The following SCARA3 variants were observed in gnomAD, a reference collection of about 807,000 sequenced individuals.
SCARA3 encodes the protein scavenger receptor class A member 3.
SCARA3 carries 39 observed loss-of-function variants against 47.0 expected under a neutral mutation model. The observed-to-expected ratio is 0.83, with a 90% CI of 0.64 to 1.08. The LOEUF is 1.08. Ranked by LOEUF, SCARA3 falls within the 50% of genes least tolerant of loss-of-function variation. The pLI, the probability that SCARA3 is intolerant of heterozygous loss-of-function variation, is 0.00. For missense variants in SCARA3, 724 were observed against 792.3 expected, an observed-to-expected ratio of 0.91 and a Z score of 1.04; for synonymous variants, 356 against 334.1, an observed-to-expected ratio of 1.07 and a Z score of -0.71.
intron 5 of SCARA3, among the ~76,000 whole-genome samples, chr8:27,660,542 G>GATAGATAGATAGATAGATA: frequency 6.6e-6 from 1 of 151,378 alleles, no homozygotes; most frequent in South Asian, 2.1e-4. Context: ...GAGATAGATA[G>GATAGATAGATAGATAGATA]ATAGATAGAT....
At chr8:27,690,052 C>T in the SCARA3 span, among the ~76,000 whole-genome samples, 3 of 152,132 alleles carry the variant, frequency 2.0e-5, no homozygotes, top group Non-Finnish European at 4.4e-5. Flanking sequence ...CTACCTTTTC[C>T]AGTATTAGAG....
At chr8:27,648,536 A>G (rs978323336) in intron 1 of SCARA3, among the ~76,000 whole-genome samples, 2 of 152,100 alleles carry the variant, frequency 1.3e-5, no homozygotes, top group Admixed American at 6.6e-5. Context: ...CCCAGGTGGC[A>G]GAGCTTGCAG....
At chr8:27,724,263 G>A in the SCARA3 span, among the ~76,000 whole-genome samples, 16 of 152,082 alleles carry the variant, frequency 1.1e-4, no homozygotes, top group Non-Finnish European at 1.3e-4. Context: ...TCAGGAAGAC[G>A]CCATAAATAT....
rs10591337 is a variant in SCARA3, at chr8:27,635,621, ATTT to A, written c.7+1426_7+1428del. Among the ~76,000 whole-genome samples, 236 of 147,506 alleles carry A rather than the reference ATTT, an allele frequency of 1.6e-3. 5 individuals are homozygous for A. In the East Asian group the frequency reaches 0.02, roughly 12 times the overall value. ...TACAGGTGTGCACCACCATGCATGG[ATTT>A]TTTTTTTTTTTGATAGATATGGGGC... On this transcript the variant is annotated intron_variant, in intron 1 of 5. Coordinates refer to ENST00000301904, the MANE Select transcript of SCARA3 (RefSeq NM_016240.3).
the SCARA3 span, among the ~76,000 whole-genome samples, chr8:27,729,389 T>C: frequency 6.6e-6 from 1 of 152,196 alleles, no homozygotes; most frequent in Non-Finnish European, 1.5e-5. Context: ...AGGTGTTACC[T>C]GCCCCTGCAG....
At chr8:27,708,230 A>G in the SCARA3 span, among the ~76,000 whole-genome samples, 1 of 152,230 alleles carries the variant, frequency 6.6e-6, no homozygotes, top group Non-Finnish European at 1.5e-5. Flanking sequence ...AACATAAATG[A>G]TATGATAGGT....
At chr8:27,651,725 T>C in intron 3 of SCARA3, 98 bp downstream of exon 3, 1 of 1,490,268 alleles carries the variant, frequency 6.7e-7, no homozygotes, top group Non-Finnish European at 9.1e-7. Flanking sequence ...TTGACATCTG[T>C]ATCCCAGGGC....
At chr8:27,705,768 G>C in the SCARA3 span, among the ~76,000 whole-genome samples, 2 of 152,214 alleles carry the variant, frequency 1.3e-5, no homozygotes, top group Admixed American at 1.3e-4. Flanking sequence ...TTCTAAAACA[G>C]AATGAGAATT....
At chr8:27,722,832 C>A in the SCARA3 span, among the ~76,000 whole-genome samples, 1 of 152,202 alleles carries the variant, frequency 6.6e-6, no homozygotes, top group Non-Finnish European at 1.5e-5. Context: ...GAAGGTCACA[C>A]CATCTGGTCC....
In SCARA3 at chr8:27,634,170, G is replaced by A. The variant is rs560691476; in HGVS notation, c.-31G>A. 7.6e-6 allele frequency: 11 copies of A among 1,445,152 alleles called. 1 individual carries two copies. In the South Asian group the frequency reaches 1.3e-4, roughly 17 times the overall value. The allele number at this position is 1,445,152 out of a possible 1,614,324, so 89.5% of individuals were successfully genotyped here. On this transcript the variant is annotated 5_prime_UTR_variant, in exon 1 of 6. Transcript: ENST00000301904. ...ACTACAGCTCCAGCCGCCTGCAGCG[G>A]GGCCCTCCTGAGGCCCCAGAGGAAG...
chr8:27,704,620 TG>T, the SCARA3 span, among the ~76,000 whole-genome samples: 1 of 152,144 alleles, frequency 6.6e-6, no homozygotes, highest in African/African-American at 2.4e-5. Context: ...GACCCTGGGT[TG>T]GGCTGGACTA....
chr8:27,641,031 C>T lies in SCARA3; in HGVS notation c.7+6824C>T, dbSNP rs141617156. The stretch of plus-strand genomic sequence containing the variant: ...TTTAAAAAATGGTTTCATAACATCC[C>T]ATAGTAAGACTCTACGAGCATTTAT... On this transcript the variant is annotated intron_variant, in intron 1 of 5. Coordinates refer to ENST00000301904, the MANE Select transcript of SCARA3 (RefSeq NM_016240.3). 9.3e-3 allele frequency among the ~76,000 whole-genome samples: 1,409 copies of T among 152,298 alleles called. 65 individuals are homozygous for T. The highest frequency in any genetic ancestry group is 0.083 in the Admixed American group (1,266 of 15,296).
intron 3 of SCARA3, among the ~76,000 whole-genome samples, chr8:27,652,506 G>T (rs1336012805): frequency 6.6e-6 from 1 of 152,166 alleles, no homozygotes; most frequent in Admixed American, 6.5e-5. Context: ...GCTCCGAGGG[G>T]GGCCCCCTGC....
At chr8:27,696,987 G>T in the SCARA3 span, among the ~76,000 whole-genome samples, 1 of 152,014 alleles carries the variant, frequency 6.6e-6, no homozygotes, top group African/African-American at 2.4e-5. Flanking sequence ...TTGTATAAAT[G>T]AACTAAAAAT....
At chr8:27,715,965 A>G in the SCARA3 span, among the ~76,000 whole-genome samples, 979 of 152,210 alleles carry the variant, frequency 6.4e-3, 6 homozygotes, top group African/African-American at 0.022. The surrounding 1 kb of genome is among the most constrained non-coding windows in gnomAD (Gnocchi z 4.2). Flanking sequence ...GAGCAGCAAC[A>G]CTCCAGTAGA....
the SCARA3 span, among the ~76,000 whole-genome samples, chr8:27,687,100 T>C: frequency 6.6e-6 from 1 of 152,210 alleles, no homozygotes; most frequent in Non-Finnish European, 1.5e-5. Context: ...CCAATGATAA[T>C]ACCACCTTGA....
chr8:27,649,791 AC>A lies in SCARA3; in HGVS notation c.100del (p.Gln34ArgfsTer56), dbSNP rs1246878458. ...CGAGGACATGCCGACCTTCCCATGC[AC>A]CCAGAAGGGTAAGGACTCTGGGGCT... ...DDEDMPTFPCTQKGRPGPRCS... is the reference protein window; with the variant it reads ...DDEDMPTFPCXQKGRPGPRCS... On this transcript the variant is annotated frameshift_variant, in exon 2 of 6. Coordinates refer to ENST00000301904, the MANE Select transcript of SCARA3 (RefSeq NM_016240.3). LOFTEE classifies it high-confidence loss of function. 17 of 1,613,808 alleles carry A rather than the reference AC, an allele frequency of 1.1e-5. No individual in the cohort carries two copies. Among genetic ancestry groups the A allele is most frequent in the Non-Finnish European group, 1.4e-5 (17 of 1,179,854 alleles).
chr8:27,656,909 C>A, intron 4 of SCARA3, 29 bp downstream of exon 4: 1 of 1,410,810 alleles, frequency 7.1e-7, no homozygotes, highest in Non-Finnish European at 1.0e-6. Context: ...GACTGTGATG[C>A]AGTGATCTTC....
the SCARA3 span, among the ~76,000 whole-genome samples, chr8:27,699,967 T>C: frequency 3.9e-5 from 6 of 152,186 alleles, no homozygotes; most frequent in Admixed American, 2.0e-4. Context: ...CAACAAATGA[T>C]TTTTATATGC....
Sources: allele counts gnomAD v4.1 joint callset (sites outside exome capture counted in the v4.1 genomes callset), GRCh38; gene constraint gnomAD v4.1.1; non-coding constraint Gnocchi (gnomAD v3.1); transcripts MANE v1.5; gene names NCBI Gene and HGNC (gene_info 2026-07-23, HGNC 2026-07-21).